Variants in TMEM178B observed in about 807,000 individuals in gnomAD.
TMEM178B encodes the protein transmembrane protein 178B.
A neutral mutation model predicts 31.0 loss-of-function variants in TMEM178B; 5 were observed. The observed-to-expected ratio is 0.16, with a 90% CI of 0.08 to 0.34. The LOEUF (loss-of-function observed/expected upper bound fraction) is 0.34. Ranked by LOEUF, TMEM178B falls within the 10% of genes least tolerant of loss-of-function variation. The probability of loss-of-function intolerance (pLI) is 1.00; values close to 1 mark genes in which losing one functional copy is unlikely to be tolerated. For synonymous variants in TMEM178B, 164 were observed against 164.0 expected, an observed-to-expected ratio of 1.00 and a Z score of 0.00; for missense variants, 275 against 400.3, an observed-to-expected ratio of 0.69 and a Z score of 2.67.
chr7:141,098,967 C>A (rs1282873327), intron 1 of TMEM178B, among the ~76,000 whole-genome samples: 3 of 151,936 alleles, frequency 2.0e-5, no homozygotes, highest in South Asian at 2.1e-4. Flanking sequence ...AAAACCAAAC[C>A]CAAAACAAAA....
At chr7:141,161,282 G>T (rs1181608798) in intron 1 of TMEM178B, among the ~76,000 whole-genome samples, 1 of 152,200 alleles carries the variant, frequency 6.6e-6, no homozygotes, top group Non-Finnish European at 1.5e-5. Flanking sequence ...GGCTATGGTG[G>T]ATGACGAGGT....
intron 1 of TMEM178B, among the ~76,000 whole-genome samples, chr7:141,155,087 C>T (rs1796046168): frequency 6.6e-6 from 1 of 152,154 alleles, no homozygotes; most frequent in Admixed American, 6.5e-5. Flanking sequence ...GGTTTTCTTG[C>T]TGTTGCCCAA....
At chr7:141,488,247 A>C in the TMEM178B span, among the ~76,000 whole-genome samples, 3 of 152,290 alleles carry the variant, frequency 2.0e-5, no homozygotes, top group East Asian at 3.9e-4. Flanking sequence ...TAGCTCTCCA[A>C]GCTTGAGAAT....
intron 1 of TMEM178B, among the ~76,000 whole-genome samples, chr7:141,185,741 G>T (rs1436344158): frequency 6.6e-6 from 1 of 152,082 alleles, no homozygotes; most frequent in African/African-American, 2.4e-5. Context: ...AAACAAAAAT[G>T]CCAGTCCTCA....
At position 141,470,637 on chromosome 7, in the gene TMEM178B, C is replaced by T; in HGVS notation, c.736C>T (p.His246Tyr). The T allele has an allele frequency of 6.5e-7, 1 of 1,535,570 alleles. No individual in the cohort carries two copies. The highest frequency in any genetic ancestry group is 2.4e-5 in the East Asian group (1 of 40,880). The part of the protein sequence containing the change: ...YLYGLPDDIS[H>Y]GYGWSMFCAW... ...GTACGGACTCCCTGATGACATCAGC[C>T]ATGGCTATGGCTGGTCCATGTTCTG... Residue 246 changes from histidine (H) to tyrosine (Y), a missense_variant, in exon 4 of 4, where the codon CAT becomes TAT. Physicochemically the swap from His to Tyr is moderately conservative, Grantham distance 83 (BLOSUM62 2). Coordinates refer to ENST00000565468, the MANE Select transcript of TMEM178B (RefSeq NM_001195278.2).
At chr7:141,206,406 G>T (rs1379527059) in intron 1 of TMEM178B, among the ~76,000 whole-genome samples, 10 of 152,166 alleles carry the variant, frequency 6.6e-5, no homozygotes, top group African/African-American at 2.4e-4. Context: ...TGGATGTTTT[G>T]TCTGCCTTTC....
chr7:141,269,742 G>T (rs982397735), intron 2 of TMEM178B, among the ~76,000 whole-genome samples: 1 of 152,170 alleles, frequency 6.6e-6, no homozygotes, highest in Non-Finnish European at 1.5e-5. Flanking sequence ...ATGGAGAGCA[G>T]TGGTGCCTGA....
chr7:141,108,969 G>A (rs981152120), intron 1 of TMEM178B, among the ~76,000 whole-genome samples: 8 of 152,104 alleles, frequency 5.3e-5, no homozygotes, highest in African/African-American at 7.2e-5. Flanking sequence ...ACATGGTGGC[G>A]GCAAGAGAGA....
At chr7:141,459,582 T>C (rs1802025937) in intron 3 of TMEM178B, among the ~76,000 whole-genome samples, 1 of 152,158 alleles carries the variant, frequency 6.6e-6, no homozygotes, top group Non-Finnish European at 1.5e-5. Flanking sequence ...TAGGCATACT[T>C]GGGGAAGATG....
Position 141,472,884 on chromosome 7 carries a change from G to T in TMEM178B, c.*2098G>T, listed in dbSNP as rs928456306. The T allele has an allele frequency of 2.6e-5, 4 of 152,014 alleles. No homozygotes were observed. Among genetic ancestry groups the T allele is most frequent in the Non-Finnish European group, 5.9e-5 (4 of 68,020 alleles). The allele number at this position is 152,014 out of a possible 1,614,324, so 9.4% of individuals were successfully genotyped here. The stretch of plus-strand genomic sequence containing the variant: ...ATCTCTCTGTATGTGTATCTCTCTG[G>T]TGCATTTTGTGTACGTTTGTGTCAG... On this transcript the variant is annotated 3_prime_UTR_variant, in exon 4 of 4. Coordinates refer to ENST00000565468, the MANE Select transcript of TMEM178B (RefSeq NM_001195278.2).
chr7:141,163,328 C>T (rs1796206457), intron 1 of TMEM178B, among the ~76,000 whole-genome samples: 1 of 152,216 alleles, frequency 6.6e-6, no homozygotes, highest in Non-Finnish European at 1.5e-5. Context: ...CATACTGTCA[C>T]TCTCACCATA....
intron 2 of TMEM178B, among the ~76,000 whole-genome samples, chr7:141,282,649 A>G (rs217006): frequency 0.11 from 16,368 of 152,254 alleles, 1,224 homozygotes; most frequent in African/African-American, 0.2. Context: ...TTTAAGCCTT[A>G]TCGCATGAGA....
intron 2 of TMEM178B, among the ~76,000 whole-genome samples, chr7:141,332,251 AC>A (rs764986401): frequency 4.5e-4 from 69 of 152,166 alleles, no homozygotes; most frequent in Non-Finnish European, 3.2e-4. Context: ...AATATTTTTA[AC>A]TCTCATTCTT....
intron 2 of TMEM178B, among the ~76,000 whole-genome samples, chr7:141,348,581 A>G (rs533536775): frequency 6.6e-6 from 1 of 152,334 alleles, no homozygotes; most frequent in Non-Finnish European, 1.5e-5. Context: ...AAATGTAGCC[A>G]TTTAAGAAAG....
chr7:141,229,103 G>A (rs1341309797), intron 2 of TMEM178B, among the ~76,000 whole-genome samples: 1 of 128,470 alleles, frequency 7.8e-6, no homozygotes, highest in African/African-American at 3.1e-5. Flanking sequence ...TGTGTGTGGT[G>A]TGTGTGTGTG....
chr7:141,394,020 C>CT (rs554688585), intron 2 of TMEM178B, among the ~76,000 whole-genome samples: 372 of 145,438 alleles, frequency 2.6e-3, no homozygotes, highest in Admixed American at 2.3e-3. Context: ...GGAAACTCCT[C>CT]TTTTTTTTTT....
the TMEM178B span, among the ~76,000 whole-genome samples, chr7:141,505,160 T>C: frequency 5.8e-3 from 884 of 152,324 alleles, 16 homozygotes; most frequent in African/African-American, 0.021. Flanking sequence ...TATTCAACAC[T>C]CTATAGAAAG....
chr7:141,314,084 C>A (rs887207933), intron 2 of TMEM178B, among the ~76,000 whole-genome samples: 8 of 152,232 alleles, frequency 5.3e-5, no homozygotes, highest in Middle Eastern at 3.2e-3. Context: ...AGTATCACCA[C>A]CACCTGACAT....
intron 2 of TMEM178B, among the ~76,000 whole-genome samples, chr7:141,329,678 G>A (rs775602891): frequency 1.8e-4 from 28 of 152,186 alleles, no homozygotes; most frequent in Non-Finnish European, 3.4e-4. Flanking sequence ...ATGTGTTGGG[G>A]GAAGAAAATC....
Sources: allele counts gnomAD v4.1 joint callset (sites outside exome capture counted in the v4.1 genomes callset), GRCh38; gene constraint gnomAD v4.1.1; transcripts MANE v1.5; gene names NCBI Gene and HGNC (gene_info 2026-07-23, HGNC 2026-07-21).